KDM5A: variants seen among roughly 807,000 people sequenced by gnomAD.
KDM5A encodes lysine demethylase 5A, also known as lysine-specific demethylase 5A.
Under a neutral mutation model 193.5 loss-of-function variants are expected in KDM5A, and 42 were observed. The observed-to-expected ratio is 0.22, with a 90% CI of 0.17 to 0.28. KDM5A has a LOEUF of 0.28. Among genes scored for constraint, KDM5A ranks in the 10% least tolerant of loss-of-function variants. KDM5A has a pLI of 1.00. For missense variants in KDM5A, 1,692 were observed against 2,055.1 expected, an observed-to-expected ratio of 0.82 and a Z score of 3.42; for synonymous variants, 796 against 718.1, an observed-to-expected ratio of 1.11 and a Z score of -1.73.
chr12:323,564 AAG>A, intron 15 of KDM5A, 34 bp downstream of exon 15: 1 of 1,587,610 alleles, frequency 6.3e-7, no homozygotes, highest in Non-Finnish European at 8.7e-7. Flanking sequence ...GTTTTAAAAA[AAG>A]GTAATGGAAG....
rs1565539210 is a variant in KDM5A at position 340,716 on chromosome 12, A to AAAAC, written c.1309-6298_1309-6295dup. The stretch of plus-strand genomic sequence containing the variant: ...TCACAAAAAAAAAAAAAAAAAAAAA[A>AAAAC]AAACCATTAGCACAAATGCTTGACC... On this transcript the variant is annotated intron_variant, in intron 10 of 27. Coordinates refer to ENST00000399788, the MANE Select transcript of KDM5A (RefSeq NM_001042603.3). Among the ~76,000 whole-genome samples the AAAAC allele has an allele frequency of 6.8e-4, 103 of 150,644 alleles. 1 individual carries two copies. Among genetic ancestry groups the AAAAC allele is most frequent in the African/African-American group, 2.4e-3 (96 of 40,444 alleles).
At position 343,873 on chromosome 12, in the gene KDM5A, C is replaced by T. The variant is rs1266618522; in HGVS notation, c.1308+6748G>A. ...GTGCCTCTTCTCCTCCAAAGGATGG[C>T]AGCTCCTTGCCAGCAATGGAACAAA... On this transcript the variant is annotated intron_variant, in intron 10 of 27. Coordinates refer to ENST00000399788, the MANE Select transcript of KDM5A (RefSeq NM_001042603.3). Among the ~76,000 whole-genome samples the T allele has an allele frequency of 2.0e-5, 3 of 152,306 alleles. No homozygotes were observed. The East Asian group carries it at 5.8e-4, about 29-fold the overall frequency.
Position 389,311 on chromosome 12 carries a change from C to T in KDM5A, c.-220G>A. The T allele has an allele frequency of 1.5e-6, 1 of 679,616 alleles. No homozygotes were observed. Among genetic ancestry groups the T allele is most frequent in the Non-Finnish European group, 2.7e-6 (1 of 372,412 alleles). The allele number at this position is 679,616 out of a possible 1,614,324, so 42.1% of individuals were successfully genotyped here. ...AGGTTCAGGACTTTTCCGGAAGTTA[C>T]CGTGCTGTCAAATCCCTCCGCCCCC... On this transcript the variant is annotated 5_prime_UTR_variant, in exon 1 of 28. Coordinates refer to ENST00000399788, the MANE Select transcript of KDM5A (RefSeq NM_001042603.3).
chr12:318,406 T>C lies in KDM5A; in HGVS notation c.2597A>G (p.Asp866Gly). 1 of 1,614,182 alleles carries C rather than the reference T, an allele frequency of 6.2e-7. No individual in the cohort carries two copies. Among genetic ancestry groups the C allele is most frequent in the East Asian group, 2.2e-5 (1 of 44,886 alleles). ...FHERAQEAMMDETPDSSKLQM... is the reference protein window; with the variant it reads ...FHERAQEAMMGETPDSSKLQM... The stretch of plus-strand genomic sequence containing the variant: ...GAGTTTGGAAGAATCTGGGGTTTCA[T>C]CCATCATGGCCTCCTGAGCACGTTC... Residue 866 changes from aspartate (D) to glycine (G), a missense_variant, in exon 19 of 28, where the codon GAT (aspartate) becomes GGT (glycine). Physicochemically the swap from Asp to Gly is moderately conservative, Grantham distance 94. Coordinates refer to ENST00000399788, the MANE Select transcript of KDM5A (RefSeq NM_001042603.3).
chr12:374,076 T>G (rs1944468763), intron 3 of KDM5A, among the ~76,000 whole-genome samples: 1 of 152,066 alleles, frequency 6.6e-6, no homozygotes, highest in South Asian at 2.1e-4. Flanking sequence ...GGGTGGAGAG[T>G]TCTGTAGATG....
intron 10 of KDM5A, among the ~76,000 whole-genome samples, chr12:346,331 G>T (rs998064746): frequency 6.6e-6 from 1 of 152,114 alleles, no homozygotes; most frequent in Non-Finnish European, 1.5e-5. Context: ...TTCTACCAGA[G>T]GTACAAAGAG....
intron 3 of KDM5A, among the ~76,000 whole-genome samples, chr12:376,165 C>G (rs1263800185): frequency 1.3e-5 from 2 of 152,186 alleles, no homozygotes; most frequent in Non-Finnish European, 2.9e-5. Context: ...TTGGCCATGC[C>G]CTGCCCCCAG....
rs1284317004 is a variant in KDM5A, at chr12:310,057, A to G, written c.3217-93T>C. 6 of 1,326,836 alleles carry G rather than the reference A, an allele frequency of 4.5e-6. No individual in the cohort carries two copies. The East Asian group carries it at 7.1e-5, about 16-fold the overall frequency. The allele number at this position is 1,326,836 out of a possible 1,614,324, so 82.2% of individuals were successfully genotyped here. The stretch of plus-strand genomic sequence containing the variant: ...GGAACCATTTGTTGACTGTTCAACC[A>G]TGTCCCACGCACTTTCTTAAGGACT... On this transcript the variant is annotated intron_variant, in intron 21 of 27. Transcript: ENST00000399788.
At chr12:322,776 A>G (rs1211511605) in intron 16 of KDM5A, among the ~76,000 whole-genome samples, 1 of 152,210 alleles carries the variant, frequency 6.6e-6, no homozygotes, top group Non-Finnish European at 1.5e-5. Context: ...AGTTTCTCTC[A>G]GGTAAATAAA....
Position 377,034 on chromosome 12 carries a change from G to A in KDM5A, c.366+6997C>T, listed in dbSNP as rs199872195. ...CCCTTCCTCCCTTTTCTAAAACAAG[G>A]AAAAAAAAAAAGTCTTAAGAAGTAG... On this transcript the variant is annotated intron_variant, in intron 3 of 27. Transcript: ENST00000399788. 7.3e-3 allele frequency among the ~76,000 whole-genome samples: 1,082 copies of A among 148,262 alleles called. 16 individuals are homozygous for A. The highest frequency in any genetic ancestry group is 0.026 in the African/African-American group (1,047 of 40,238).
chr12:311,455 C>A (rs115119123), intron 20 of KDM5A, among the ~76,000 whole-genome samples: 2,645 of 151,746 alleles, frequency 0.017, 79 homozygotes, highest in African/African-American at 0.06. Flanking sequence ...ACCAGCCTGG[C>A]CAACATGGTG....
At chr12:374,320 C>T (rs1402597427) in intron 3 of KDM5A, among the ~76,000 whole-genome samples, 1 of 152,154 alleles carries the variant, frequency 6.6e-6, no homozygotes, top group African/African-American at 2.4e-5. Context: ...GCATTGATCC[C>T]TTTACCATTA....
intron 10 of KDM5A, among the ~76,000 whole-genome samples, chr12:350,393 G>A (rs1479934715): frequency 1.0e-4 from 15 of 145,228 alleles, no homozygotes; most frequent in Admixed American, 4.9e-4. Context: ...CTAAGCTCGC[G>A]CTCCAGCCTA....
intron 24 of KDM5A, among the ~76,000 whole-genome samples, chr12:299,393 C>T (rs1943413244): frequency 6.6e-6 from 1 of 152,142 alleles, no homozygotes; most frequent in African/African-American, 2.4e-5. Context: ...GGCCAATATT[C>T]AACATTCTTA....
At chr12:293,939 TA>T (rs945185230) in intron 26 of KDM5A, among the ~76,000 whole-genome samples, 44 of 147,908 alleles carry the variant, frequency 3.0e-4, no homozygotes, top group Admixed American at 1.8e-3. Context: ...AAAGGGCATA[TA>T]AAAAAAAAAT....
chr12:337,108 T>TA (rs1481310267), intron 10 of KDM5A, among the ~76,000 whole-genome samples: 2 of 152,166 alleles, frequency 1.3e-5, no homozygotes, highest in South Asian at 4.1e-4. Context: ...TCTGGTTGTT[T>TA]AAAAGTGTGG....
intron 3 of KDM5A, among the ~76,000 whole-genome samples, chr12:379,465 A>G (rs1396470636): frequency 2.2e-5 from 1 of 44,752 alleles, no homozygotes; most frequent in African/African-American, 1.6e-4. Context: ...GCTACAAAAC[A>G]GGTGTACACA....
In KDM5A at chr12:307,553, A is replaced by T. The variant is rs1392046539; in HGVS notation, c.3831T>A (p.Ser1277=). 2 of 1,614,090 alleles carry T rather than the reference A, an allele frequency of 1.2e-6. No individual in the cohort carries two copies. The highest frequency in any genetic ancestry group is 3.3e-5 in the Admixed American group (2 of 60,014). Residue 1277 remains serine, a synonymous_variant, in exon 23 of 28, where the codon TCT becomes TCA. Coordinates refer to ENST00000399788, the MANE Select transcript of KDM5A (RefSeq NM_001042603.3). This position sits in a 1 kb window ranked among gnomAD's most constrained non-coding sequence, Gnocchi z 4.3. ...DELSSALAKL[S]VLSQRMVEQA... ...GTTCCACCATACGCTGGCTCAACAC[A>T]GATAGTTTGGCCAGGGCAGAGGATA...
At chr12:301,230 G>C (rs1943437031) in intron 24 of KDM5A, among the ~76,000 whole-genome samples, 1 of 152,184 alleles carries the variant, frequency 6.6e-6, no homozygotes, top group African/African-American at 2.4e-5. Flanking sequence ...AACAAAAAAA[G>C]AGAATTTCAG....
Sources: gnomAD v4.1 joint callset for allele counts (sites outside exome capture counted in the v4.1 genomes callset) on GRCh38, gnomAD v4.1.1 for gene constraint, Gnocchi (gnomAD v3.1) non-coding constraint, MANE v1.5 for transcripts, NCBI Gene and HGNC (gene_info 2026-07-23, HGNC 2026-07-21) for gene names.